Variants in MALRD1 observed in about 807,000 individuals in gnomAD.
MALRD1 encodes the protein MAM and LDL-receptor class A domain-containing protein 1.
MALRD1 carries 247 observed loss-of-function variants against 242.1 expected under a neutral mutation model. The ratio of observed to expected loss-of-function variants is 1.02; its 90% confidence interval spans 0.92 to 1.13. MALRD1 has a LOEUF of 1.13. Among genes scored for constraint, MALRD1 ranks in the 50% most tolerant of loss-of-function variants. MALRD1 has a pLI of 0.00. For missense variants in MALRD1, 2,989 were observed against 2,533.1 expected (o/e 1.18, Z -3.86); for synonymous variants, 995 against 866.6 (o/e 1.15, Z -2.60).
At chr10:19,377,503 T>G (rs968918051) in intron 26 of MALRD1, among the ~76,000 whole-genome samples, 47 of 152,100 alleles carry the variant, frequency 3.1e-4, no homozygotes, top group Non-Finnish European at 1.6e-4. Context: ...TATTCTCTGC[T>G]TGTTAGTTTT....
intron 24 of MALRD1, among the ~76,000 whole-genome samples, 165 bp downstream of exon 24, chr10:19,331,747 T>G (rs1010024851): frequency 6.6e-6 from 1 of 152,200 alleles, no homozygotes; most frequent in Non-Finnish European, 1.5e-5. Context: ...ATAATTCATT[T>G]ATAATCATAA....
intron 24 of MALRD1, among the ~76,000 whole-genome samples, chr10:19,337,305 T>C (rs1347420693): frequency 2.6e-5 from 4 of 152,016 alleles, no homozygotes; most frequent in African/African-American, 9.7e-5. Context: ...TAAGAAATCA[T>C]GAAATGGAAG....
intron 18 of MALRD1, among the ~76,000 whole-genome samples, chr10:19,225,018 G>A (rs1837732553): frequency 6.6e-6 from 1 of 152,138 alleles, no homozygotes; most frequent in Admixed American, 6.6e-5. Context: ...TATTTTATAA[G>A]GTGTAAGGAA....
At chr10:19,576,015 T>C (rs149272094) in intron 33 of MALRD1, among the ~76,000 whole-genome samples, 2 of 152,222 alleles carry the variant, frequency 1.3e-5, no homozygotes, top group Non-Finnish European at 1.5e-5. Context: ...AGAATTGCAG[T>C]TGGGCTAACT....
chr10:19,594,479 C>T (rs552350910), intron 33 of MALRD1, among the ~76,000 whole-genome samples: 1 of 152,280 alleles, frequency 6.6e-6, no homozygotes, highest in Non-Finnish European at 1.5e-5. Context: ...AGCAATCTCA[C>T]TACTGGGTAT....
intron 14 of MALRD1, among the ~76,000 whole-genome samples, chr10:19,182,461 AC>A (rs1025128647): frequency 2.0e-5 from 3 of 148,452 alleles, no homozygotes; most frequent in African/African-American, 7.5e-5. Context: ...AGTATCTGGG[AC>A]AGCAGGCGCC....
rs61674193 is a variant in MALRD1 at position 19,171,611 on chromosome 10, C to CAT, written c.1831-3592_1831-3591dup. ...ATGTGTGTATATAAATACACACACA[C>CAT]ATATATGTCTATGTGTGTATATAAA... On this transcript the variant is annotated intron_variant, in intron 13 of 39. Transcript: ENST00000454679. 6.9e-4 allele frequency among the ~76,000 whole-genome samples: 30 copies of CAT among 43,404 alleles called. 1 individual carries two copies. In the East Asian group the frequency reaches 0.013, roughly 18 times the overall value. The allele number at this position is 43,404 out of a possible 152,430, so 28.5% of individuals were successfully genotyped here.
At chr10:19,493,545 C>T (rs1283425843) in intron 30 of MALRD1, among the ~76,000 whole-genome samples, 1 of 151,770 alleles carries the variant, frequency 6.6e-6, no homozygotes. Flanking sequence ...CGCAGTGGCT[C>T]ACACCTGTAG....
intron 1 of MALRD1, 35 bp from the exon 2 acceptor site, chr10:19,066,684 A>C: frequency 8.1e-7 from 1 of 1,231,058 alleles, no homozygotes. Context: ...AGCTAAACAC[A>C]GTTGTGAAAA....
chr10:19,356,763 A>G (rs546718591), intron 26 of MALRD1, among the ~76,000 whole-genome samples: 97 of 152,178 alleles, frequency 6.4e-4, no homozygotes, highest in African/African-American at 2.3e-3. Flanking sequence ...AGTTGATGTG[A>G]TATTTGTAAA....
At chr10:19,173,724 A>C (rs1318580938) in intron 13 of MALRD1, among the ~76,000 whole-genome samples, 1 of 152,158 alleles carries the variant, frequency 6.6e-6, no homozygotes, top group Non-Finnish European at 1.5e-5. Flanking sequence ...GCCCAACAAA[A>C]TTTGGTATCA....
At chr10:19,663,673 CCA>C (rs1476543525) in intron 36 of MALRD1, among the ~76,000 whole-genome samples, 2 of 152,078 alleles carry the variant, frequency 1.3e-5, no homozygotes, top group Non-Finnish European at 2.9e-5. Context: ...CACTCAGCTT[CCA>C]CAGAGCTCCC....
chr10:19,307,290 T>C (rs1842256453), intron 21 of MALRD1, among the ~76,000 whole-genome samples: 1 of 151,486 alleles, frequency 6.6e-6, no homozygotes, highest in Non-Finnish European at 1.5e-5. Context: ...CTAAGGGGGA[T>C]ACTTGATGAA....
chr10:19,306,251 CTAT>C (rs1366424705), intron 21 of MALRD1, among the ~76,000 whole-genome samples: 3 of 126,864 alleles, frequency 2.4e-5, no homozygotes, highest in Non-Finnish European at 4.9e-5. Context: ...ATATACTATA[CTAT>C]AGTATAGTAT....
intron 14 of MALRD1, among the ~76,000 whole-genome samples, chr10:19,203,232 A>G (rs55814623): frequency 0.13 from 20,463 of 152,184 alleles, 1,483 homozygotes; most frequent in Middle Eastern, 0.21. Context: ...TGCATATAAC[A>G]CTTTGTGAAA....
In MALRD1 at chr10:19,498,657, T is replaced by TA; in HGVS notation, c.5320+12dup. ...CTGATCACACGCCAGGTAAATCTAG[T>TA]AGCCATCCCCAGACCAAGAAACCCA... On this transcript the variant is annotated intron_variant, in intron 31 of 39. Coordinates refer to ENST00000454679, the MANE Select transcript of MALRD1 (RefSeq NM_001142308.3). The TA allele has an allele frequency of 6.5e-7, 1 of 1,545,740 alleles. No homozygotes were observed. Among genetic ancestry groups the TA allele is most frequent in the East Asian group, 2.5e-5 (1 of 40,770 alleles).
chr10:19,582,136 G>T (rs571002422), intron 33 of MALRD1, among the ~76,000 whole-genome samples: 1 of 151,980 alleles, frequency 6.6e-6, no homozygotes, highest in Non-Finnish European at 1.5e-5. Context: ...TTTGTCAGAT[G>T]AGTAGGTTGC....
intron 18 of MALRD1, among the ~76,000 whole-genome samples, chr10:19,235,590 G>GCCC (rs1397084577): frequency 6.7e-6 from 1 of 149,598 alleles, no homozygotes; most frequent in Non-Finnish European, 1.5e-5. Context: ...GAGAGAGAGA[G>GCCC]AGAGAGAGAG....
intron 28 of MALRD1, among the ~76,000 whole-genome samples, chr10:19,440,912 T>G (rs1041470693): frequency 7.9e-5 from 12 of 152,068 alleles, no homozygotes; most frequent in Non-Finnish European, 1.6e-4. Flanking sequence ...CCTTGAGGAA[T>G]CACCACACTG....
Sources: gnomAD v4.1 joint callset for allele counts (sites outside exome capture counted in the v4.1 genomes callset) on GRCh38, gnomAD v4.1.1 for gene constraint, MANE v1.5 for transcripts, NCBI Gene and HGNC (gene_info 2026-07-23, HGNC 2026-07-21) for gene names.